Variants in GRM7 observed in about 807,000 individuals in gnomAD.
GRM7 encodes glutamate metabotropic receptor 7, also known as metabotropic glutamate receptor 7.
A neutral mutation model predicts 84.5 loss-of-function variants in GRM7; 35 were observed. That is an observed-to-expected ratio of 0.41 (90% confidence interval 0.32 to 0.55). The LOEUF (loss-of-function observed/expected upper bound fraction) is 0.55. Ranked by LOEUF, GRM7 falls within the 20% of genes least tolerant of loss-of-function variation. GRM7 has a pLI of 0.19. For missense variants in GRM7, 1,003 were observed against 1,194.6 expected (o/e 0.84, Z 2.36); for synonymous variants, 487 against 455.1 (o/e 1.07, Z -0.89).
chr3:7,507,023 T>G (rs926193604), intron 7 of GRM7, among the ~76,000 whole-genome samples: 1 of 152,196 alleles, frequency 6.6e-6, no homozygotes, highest in Non-Finnish European at 1.5e-5. Flanking sequence ...AGTGTGAGCT[T>G]CTACAAGCAT....
intron 1 of GRM7, among the ~76,000 whole-genome samples, chr3:6,887,157 A>G (rs1695727317): frequency 6.6e-6 from 1 of 151,966 alleles, no homozygotes; most frequent in Admixed American, 6.6e-5. Context: ...ACACATTTAC[A>G]TGTAAACAAT....
chr3:7,296,822 A>G (rs553786250), intron 2 of GRM7, among the ~76,000 whole-genome samples: 7 of 133,604 alleles, frequency 5.2e-5, no homozygotes, highest in Middle Eastern at 3.3e-3. Context: ...CAGCTTTTTT[A>G]AAAAAAAAAA....
At position 7,578,946 on chromosome 3, in the gene GRM7, T is replaced by A; in HGVS notation, c.2040T>A (p.Ile680=). ...YAALLTKTNR[I]YRIFEQGKKS... Reference sequence around the variant, plus strand: ...CCCTCTTGACGAAAACAAATCGGATTTATCGCATATTTGAGCAGGGCAAGA... The same window carrying A: ...CCCTCTTGACGAAAACAAATCGGATATATCGCATATTTGAGCAGGGCAAGA... The change falls in exon 8 of 10, where the codon ATT becomes ATA. Residue 680 remains isoleucine, a synonymous_variant. Coordinates refer to ENST00000357716, the MANE Select transcript of GRM7 (RefSeq NM_000844.4). The A allele has an allele frequency of 6.2e-7, 1 of 1,614,044 alleles. No individual in the cohort carries two copies. The highest frequency in any genetic ancestry group is 8.5e-7 in the Non-Finnish European group (1 of 1,180,004).
At chr3:7,084,666 A>G (rs1374901127) in intron 1 of GRM7, among the ~76,000 whole-genome samples, 1 of 152,038 alleles carries the variant, frequency 6.6e-6, no homozygotes, top group Non-Finnish European at 1.5e-5. Context: ...TCTATTAGTC[A>G]CTCAAGTAGA....
intron 4 of GRM7, among the ~76,000 whole-genome samples, chr3:7,377,553 T>C (rs1694405121): frequency 6.6e-6 from 1 of 152,126 alleles, no homozygotes. Flanking sequence ...GAAACTGATA[T>C]TCACAAAGCA....
chr3:7,508,816 C>A (rs1251647175), intron 7 of GRM7, among the ~76,000 whole-genome samples: 1 of 152,086 alleles, frequency 6.6e-6, no homozygotes, highest in African/African-American at 2.4e-5. Context: ...CCATGCATTT[C>A]TTGAGTTCTT....
intron 4 of GRM7, among the ~76,000 whole-genome samples, chr3:7,308,712 C>T (rs1425418795): frequency 1.3e-5 from 2 of 152,014 alleles, no homozygotes; most frequent in African/African-American, 4.8e-5. Flanking sequence ...GGGTGAAGGG[C>T]AAGAGTTGGG....
intron 7 of GRM7, among the ~76,000 whole-genome samples, chr3:7,496,200 T>C (rs763178685): frequency 3.3e-4 from 50 of 152,156 alleles, no homozygotes; most frequent in Non-Finnish European, 6.5e-4. Flanking sequence ...CCATAGACCA[T>C]GTATTCATTG....
At chr3:7,124,669 T>A (rs1693338998) in intron 1 of GRM7, among the ~76,000 whole-genome samples, 1 of 152,190 alleles carries the variant, frequency 6.6e-6, no homozygotes, top group South Asian at 2.1e-4. Flanking sequence ...ATGATACTTT[T>A]TTCTTATTAA....
chr3:6,905,960 G>A (rs1420109847), intron 1 of GRM7, among the ~76,000 whole-genome samples: 1 of 152,150 alleles, frequency 6.6e-6, no homozygotes, highest in African/African-American at 2.4e-5. Flanking sequence ...AAACCTAAGT[G>A]GCCATATTGA....
intron 4 of GRM7, among the ~76,000 whole-genome samples, chr3:7,366,914 G>A (rs1162891273): frequency 3.5e-3 from 1 of 288 alleles, no homozygotes; most frequent in Non-Finnish European, 6.9e-3. Context: ...ATAATTCTTG[G>A]TCATGGTTAT....
chr3:7,090,522 G>A (rs1574888285), intron 1 of GRM7, among the ~76,000 whole-genome samples: 1 of 152,152 alleles, frequency 6.6e-6, no homozygotes, highest in African/African-American at 2.4e-5. Context: ...CAAATTGAAG[G>A]CTTCAACCAG....
intron 1 of GRM7, among the ~76,000 whole-genome samples, chr3:7,144,564 A>G (rs1049348418): frequency 6.6e-6 from 1 of 152,122 alleles, no homozygotes; most frequent in Admixed American, 6.6e-5. Flanking sequence ...GTAAGGAAAA[A>G]CATACCATTC....
intron 2 of GRM7, among the ~76,000 whole-genome samples, chr3:7,178,184 C>A (rs997329300): frequency 6.6e-6 from 1 of 152,234 alleles, no homozygotes; most frequent in African/African-American, 2.4e-5. Flanking sequence ...AAAGTCTGGA[C>A]AAAACATCTA....
chr3:7,064,245 TCCC>T (rs1180665463), intron 1 of GRM7, among the ~76,000 whole-genome samples: 2 of 150,338 alleles, frequency 1.3e-5, no homozygotes, highest in East Asian at 4.0e-4. Flanking sequence ...TTCCCACTCT[TCCC>T]CCCAAGTCCC....
rs763061999 is a variant in GRM7, at chr3:7,102,866, TG to T, written c.520-43585del. ...CCAGTACATTTGTTTATATTGGTTT[TG>T]TTTTGTTTTCAGTTCTAGAATTTTT... On this transcript the variant is annotated intron_variant, in intron 1 of 9. Coordinates refer to ENST00000357716, the MANE Select transcript of GRM7 (RefSeq NM_000844.4). 6.6e-5 allele frequency among the ~76,000 whole-genome samples: 10 copies of T among 151,924 alleles called. No homozygotes were observed. In the East Asian group the frequency reaches 1.6e-3, roughly 24 times the overall value.
intron 1 of GRM7, among the ~76,000 whole-genome samples, chr3:7,047,325 A>G (rs934679624): frequency 2.6e-5 from 4 of 152,154 alleles, no homozygotes; most frequent in African/African-American, 9.6e-5. Flanking sequence ...CACAGTGAAC[A>G]TATTACTAGA....
chr3:7,648,588 G>T (rs1698770568), intron 8 of GRM7, among the ~76,000 whole-genome samples: 1 of 151,704 alleles, frequency 6.6e-6, no homozygotes, highest in Non-Finnish European at 1.5e-5. Flanking sequence ...GGTGGAGGCT[G>T]CAGTGAGCTG....
At chr3:7,568,548 G>T (rs978103029) in intron 7 of GRM7, among the ~76,000 whole-genome samples, 2 of 152,214 alleles carry the variant, frequency 1.3e-5, no homozygotes, top group Non-Finnish European at 2.9e-5. Flanking sequence ...CCCTTTTCTG[G>T]GCTGGCCAAG....
Sources: allele counts gnomAD v4.1 joint callset (sites outside exome capture counted in the v4.1 genomes callset), GRCh38; gene constraint gnomAD v4.1.1; transcripts MANE v1.5; gene names NCBI Gene and HGNC (gene_info 2026-07-23, HGNC 2026-07-21).